TAFA5: variants seen among roughly 807,000 people sequenced by gnomAD.
The protein encoded by TAFA5 is TAFA chemokine like family member 5.
A neutral mutation model predicts 15.3 loss-of-function variants in TAFA5; 6 were observed. That is an observed-to-expected ratio of 0.39 (90% CI 0.21 to 0.77). The LOEUF (loss-of-function observed/expected upper bound fraction) is 0.77, where lower values mean the gene tolerates loss of function less well. TAFA5 is among the 30% of genes least tolerant of loss of function. The probability of loss-of-function intolerance (pLI) is 0.41; values close to 1 mark genes in which losing one functional copy is unlikely to be tolerated. For synonymous variants in TAFA5, 103 were observed against 80.7 expected (o/e 1.28, Z -1.48); for missense variants, 161 against 193.1 (o/e 0.83, Z 0.98).
intron 2 of TAFA5, among the ~76,000 whole-genome samples, chr22:48,704,200 G>GCGCACACACACACA (rs1003524010): frequency 6.7e-6 from 1 of 150,108 alleles, no homozygotes; most frequent in African/African-American, 2.5e-5. Flanking sequence ...ACACACACGC[G>GCGCACACACACACA]CACACACACA....
At chr22:48,497,188 C>T (rs1416456940) in intron 1 of TAFA5, among the ~76,000 whole-genome samples, 1 of 152,260 alleles carries the variant, frequency 6.6e-6, no homozygotes, top group East Asian at 1.9e-4. Context: ...GTTCCGCCCC[C>T]GCCTGCGGTG....
chr22:48,501,765 C>T (rs1385478253), intron 1 of TAFA5, among the ~76,000 whole-genome samples: 1 of 152,228 alleles, frequency 6.6e-6, no homozygotes, highest in Non-Finnish European at 1.5e-5. Flanking sequence ...AGGGCTGAGC[C>T]AGGCCGCTGA....
chr22:48,677,823 G>A (rs922195152), intron 2 of TAFA5, among the ~76,000 whole-genome samples: 2 of 152,128 alleles, frequency 1.3e-5, no homozygotes, highest in African/African-American at 2.4e-5. Flanking sequence ...ACAGGCAGCT[G>A]TCCTGGCCCC....
At position 48,537,288 on chromosome 22, in the gene TAFA5, C is replaced by T. The variant is rs534338437; in HGVS notation, c.112+47584C>T. Among the ~76,000 whole-genome samples, 307 of 152,302 alleles carry T rather than the reference C, an allele frequency of 2.0e-3. 1 individual carries two copies. The highest frequency in any genetic ancestry group is 1.7e-3 in the Non-Finnish European group (115 of 68,016). On this transcript the variant is annotated intron_variant, in intron 1 of 3. Transcript: ENST00000402357. ...TGGGGACCTGAGGACATGAGGTTCCCGCTCTGTTCTTGGTGCATTTCCAGG... is the reference window on the plus strand; with the variant it reads ...TGGGGACCTGAGGACATGAGGTTCCTGCTCTGTTCTTGGTGCATTTCCAGG...
At chr22:48,539,511 G>A (rs13057695) in intron 1 of TAFA5, 8 of 469,454 alleles carry the variant, frequency 1.7e-5, no homozygotes, top group Non-Finnish European at 3.1e-5. Context: ...ACATTTAGAC[G>A]GGTGCAGTTT....
chr22:48,724,058 A>C (rs1184382995), intron 3 of TAFA5, among the ~76,000 whole-genome samples: 2 of 152,258 alleles, frequency 1.3e-5, no homozygotes, highest in Non-Finnish European at 2.9e-5. Flanking sequence ...TTGCTGCAGC[A>C]GGAGAGACTC....
intron 1 of TAFA5, among the ~76,000 whole-genome samples, chr22:48,645,526 T>G (rs1465278853): frequency 2.0e-5 from 3 of 151,974 alleles, no homozygotes; most frequent in Non-Finnish European, 4.4e-5. Context: ...GTTGGCACCT[T>G]TGGAAGAAAT....
At chr22:48,624,323 G>A (rs959037069) in intron 1 of TAFA5, among the ~76,000 whole-genome samples, 6 of 152,268 alleles carry the variant, frequency 3.9e-5, no homozygotes, top group East Asian at 1.9e-4. Flanking sequence ...GGGTCGTGTG[G>A]GTCAGGTTCC....
chr22:48,649,230 A>C lies in TAFA5; in HGVS notation c.262+2484A>C, dbSNP rs185237217. 1.8e-3 allele frequency among the ~76,000 whole-genome samples: 277 copies of C among 152,338 alleles called. 1 individual carries two copies. The highest frequency in any genetic ancestry group is 4.4e-3 in the Admixed American group (68 of 15,310). ...GGGTTGCGTGCACTGCTCAGGTGGG[A>C]TACCCAGGAAGAACCGTGGGCCAGG... On this transcript the variant is annotated intron_variant, in intron 2 of 3. Transcript: ENST00000402357.
rs887239739 is a variant in TAFA5, at chr22:48,552,252, G to A, written c.112+62548G>A. Among the ~76,000 whole-genome samples the A allele has an allele frequency of 6.6e-6, 1 of 152,180 alleles. No homozygotes were observed. The highest frequency in any genetic ancestry group is 1.5e-5 in the Non-Finnish European group (1 of 68,022). ...TGCCTCCTGTGGGCCAGCTGCCTTT[G>A]CTTGCTGGTGTCCTGGTGCCTGGCT... On this transcript the variant is annotated intron_variant, in intron 1 of 3. Coordinates refer to ENST00000402357, the MANE Select transcript of TAFA5 (RefSeq NM_001082967.3). The surrounding 1 kb of genome is among the most constrained non-coding windows in gnomAD (Gnocchi z 4.1).
intron 1 of TAFA5, among the ~76,000 whole-genome samples, chr22:48,563,278 G>A (rs536051616): frequency 1.2e-4 from 19 of 152,300 alleles, no homozygotes; most frequent in African/African-American, 3.8e-4. Flanking sequence ...CACCGTGGGC[G>A]CTTATGTCGG....
chr22:48,722,426 A>C (rs1929596453), intron 3 of TAFA5, among the ~76,000 whole-genome samples: 1 of 152,236 alleles, frequency 6.6e-6, no homozygotes, highest in Non-Finnish European at 1.5e-5. Flanking sequence ...TGAAACTGGA[A>C]ACCATCATTC....
chr22:48,729,406 A>G (rs1929805719), intron 3 of TAFA5, among the ~76,000 whole-genome samples: 2 of 72,326 alleles, frequency 2.8e-5, no homozygotes, highest in African/African-American at 7.2e-5. Context: ...TCATAAATAT[A>G]TTTATATTAT....
intron 1 of TAFA5, among the ~76,000 whole-genome samples, chr22:48,507,562 C>A (rs964854359): frequency 1.3e-5 from 2 of 152,202 alleles, no homozygotes; most frequent in Admixed American, 1.3e-4. Context: ...GCCCAGCACG[C>A]CTCCCCAGAG....
chr22:48,591,423 C>G (rs191218793), intron 1 of TAFA5, among the ~76,000 whole-genome samples: 4 of 152,378 alleles, frequency 2.6e-5, no homozygotes, highest in African/African-American at 9.6e-5. Context: ...CCCCGTGCGT[C>G]TGACCCCCAG....
chr22:48,499,393 GC>G (rs935209497), intron 1 of TAFA5, among the ~76,000 whole-genome samples: 1 of 152,152 alleles, frequency 6.6e-6, no homozygotes, highest in African/African-American at 2.4e-5. Context: ...GGTGTCTACA[GC>G]CCGCATTTCC....
chr22:48,685,412 A>T (rs1380883925), intron 2 of TAFA5, among the ~76,000 whole-genome samples: 1 of 152,236 alleles, frequency 6.6e-6, no homozygotes, highest in Non-Finnish European at 1.5e-5. Flanking sequence ...ACGGCTTTGC[A>T]GAGCCATTTC....
At chr22:48,534,468 G>A (rs1922082730) in intron 1 of TAFA5, among the ~76,000 whole-genome samples, 1 of 152,146 alleles carries the variant, frequency 6.6e-6, no homozygotes, top group Non-Finnish European at 1.5e-5. Flanking sequence ...AGGCAGAGAG[G>A]AGGGGCCGTG....
In TAFA5 at chr22:48,598,115, C is replaced by T. The variant is rs79568458; in HGVS notation, c.113-48482C>T. Among the ~76,000 whole-genome samples the T allele has an allele frequency of 6.4e-3, 980 of 152,258 alleles. 81 individuals are homozygous for T. The East Asian group carries it at 0.16, about 25-fold the overall frequency. On this transcript the variant is annotated intron_variant, in intron 1 of 3. Transcript: ENST00000402357. The surrounding 1 kb of genome is among the most constrained non-coding windows in gnomAD (Gnocchi z 4.0). Reference sequence around the variant, plus strand: ...TGCAGGGAAGAGGGCAGGCTGGAGACGCAGCGAGAGGTGCAGCTGGCGTCG... The same window carrying T: ...TGCAGGGAAGAGGGCAGGCTGGAGATGCAGCGAGAGGTGCAGCTGGCGTCG...
Sources: allele counts gnomAD v4.1 joint callset (sites outside exome capture counted in the v4.1 genomes callset), GRCh38; gene constraint gnomAD v4.1.1; non-coding constraint Gnocchi (gnomAD v3.1); transcripts MANE v1.5; gene names NCBI Gene and HGNC (gene_info 2026-07-23, HGNC 2026-07-21).